Variants in DNMBP observed in about 807,000 individuals in gnomAD.
DNMBP encodes the protein dynamin-binding protein.
Under a neutral mutation model 150.0 loss-of-function variants are expected in DNMBP, and 87 were observed. The observed-to-expected ratio is 0.58, with a 90% CI of 0.49 to 0.69. DNMBP has a LOEUF of 0.69. Ranked by LOEUF, DNMBP falls within the 30% of genes least tolerant of loss-of-function variation. DNMBP has a pLI of 0.00. For synonymous variants in DNMBP, 711 were observed against 750.4 expected (o/e 0.95, Z 0.86); for missense variants, 1,774 against 1,949.0 (o/e 0.91, Z 1.69).
At chr10:99,948,319 A>G (rs1351864275) in intron 4 of DNMBP, among the ~76,000 whole-genome samples, 3 of 152,212 alleles carry the variant, frequency 2.0e-5, no homozygotes, top group Non-Finnish European at 4.4e-5. Flanking sequence ...AGAATGTGTA[A>G]GTAAAAGTTT....
At chr10:99,884,250 T>C (rs773720873) in intron 14 of DNMBP, 41 bp from the exon 15 acceptor site, 5 of 1,337,450 alleles carry the variant, frequency 3.7e-6, no homozygotes, top group South Asian at 1.2e-5. Context: ...CAGTGGCCAC[T>C]ACCCCAGCAG....
intron 1 of DNMBP, among the ~76,000 whole-genome samples, chr10:99,974,553 T>G (rs968914864): frequency 6.6e-6 from 1 of 152,140 alleles, no homozygotes; most frequent in Non-Finnish European, 1.5e-5. Context: ...TTGCCCAGGC[T>G]GGAGTGCAAA....
intron 1 of DNMBP, among the ~76,000 whole-genome samples, chr10:99,980,851 C>A (rs2133365344): frequency 6.6e-6 from 1 of 151,980 alleles, no homozygotes; most frequent in East Asian, 1.9e-4. Flanking sequence ...CACAAAAGGA[C>A]AAATACTGCA....
chr10:99,967,039 C>T (rs1354259339), intron 3 of DNMBP, among the ~76,000 whole-genome samples: 1 of 150,570 alleles, frequency 6.6e-6, no homozygotes, highest in African/African-American at 2.4e-5. Flanking sequence ...TCAAGGGATA[C>T]TCTTGCCTTT....
intron 16 of DNMBP, among the ~76,000 whole-genome samples, chr10:99,878,790 C>G (rs1274897937): frequency 6.6e-6 from 1 of 152,154 alleles, no homozygotes; most frequent in East Asian, 1.9e-4. Context: ...AGCAAAGACT[C>G]TGCAGCTGTG....
In DNMBP at chr10:99,918,821, C is replaced by A. The variant is rs149219995; in HGVS notation, c.2261-9675G>T. ...AGTGAGTTTAATACTAGGAGTAACT[C>A]AAACACCATTTCTGAACACTCACCA... On this transcript the variant is annotated intron_variant, in intron 4 of 16. Transcript: ENST00000324109. Among the ~76,000 whole-genome samples, 667 of 152,278 alleles carry A rather than the reference C, an allele frequency of 4.4e-3. 5 individuals are homozygous for A. Among genetic ancestry groups the A allele is most frequent in the African/African-American group, 0.015 (638 of 41,544 alleles).
intron 4 of DNMBP, among the ~76,000 whole-genome samples, chr10:99,915,198 CATATACAT>C (rs1564730581): frequency 7.2e-6 from 1 of 139,744 alleles, no homozygotes; most frequent in East Asian, 2.0e-4. Context: ...CATATACACA[CATATACAT>C]ATATACATAC....
chr10:100,003,107 T>C (rs957912205), intron 1 of DNMBP, among the ~76,000 whole-genome samples: 1 of 152,148 alleles, frequency 6.6e-6, no homozygotes. Flanking sequence ...CCCAGCACTT[T>C]GGGAGGCCAA....
chr10:99,926,065 C>T (rs1032506177), intron 4 of DNMBP, among the ~76,000 whole-genome samples: 3 of 152,236 alleles, frequency 2.0e-5, no homozygotes, highest in Admixed American at 6.5e-5. Flanking sequence ...TCTGTAAGAG[C>T]TCTTCATTTA....
intron 12 of DNMBP, among the ~76,000 whole-genome samples, chr10:99,887,015 GAGTT>G (rs1162697604): frequency 2.6e-5 from 4 of 152,086 alleles, no homozygotes; most frequent in African/African-American, 9.7e-5. Flanking sequence ...TTTAACTCCA[GAGTT>G]AGTTGTTACA....
intron 4 of DNMBP, among the ~76,000 whole-genome samples, chr10:99,934,081 C>A (rs1296289631): frequency 6.6e-6 from 1 of 152,120 alleles, no homozygotes; most frequent in African/African-American, 2.4e-5. Context: ...GATAGGGAAT[C>A]ATAAGTTAAA....
chr10:99,974,269 G>A (rs369065963), intron 1 of DNMBP, among the ~76,000 whole-genome samples: 1 of 152,192 alleles, frequency 6.6e-6, no homozygotes, highest in Non-Finnish European at 1.5e-5. Flanking sequence ...GCCCAACCCC[G>A]GGGAGTATCC....
Position 99,906,835 on chromosome 10 carries a change from G to C in DNMBP, c.2554+1160C>G, listed in dbSNP as rs977633685. Among the ~76,000 whole-genome samples, 6 of 152,194 alleles carry C rather than the reference G, an allele frequency of 3.9e-5. No individual in the cohort carries two copies. The East Asian group carries it at 1.2e-3, about 29-fold the overall frequency. On this transcript the variant is annotated intron_variant, in intron 6 of 16. Transcript: ENST00000324109. ...TCCAGACTCCTGACCTACAGAAGCA[G>C]CGAGGTAATACATGTTTAATGTTTT...
rs747635325 is a variant in DNMBP, at chr10:99,957,141, G to A, written c.333C>T (p.Gly111=). Residue 111 remains glycine (G), a synonymous_variant, in exon 4 of 17, where the codon GGC becomes GGT. Transcript: ENST00000324109. ...ATGAAGATGGGAAGAAGCCCCGTGC[G>A]CCCCAGCAGCTTCGGCCCTGCAGCC... ...AGWLQGRSCW[G]ARGFFPSSCV... 1.6e-5 allele frequency: 25 copies of A among 1,612,002 alleles called. No individual in the cohort carries two copies. Among genetic ancestry groups the A allele is most frequent in the Non-Finnish European group, 1.9e-5 (22 of 1,180,002 alleles).
chr10:99,924,920 C>G (rs2040061480), intron 4 of DNMBP, among the ~76,000 whole-genome samples: 1 of 152,178 alleles, frequency 6.6e-6, no homozygotes, highest in Non-Finnish European at 1.5e-5. Context: ...ATTACTGTCC[C>G]AACTTTTAAG....
chr10:99,974,362 T>C (rs1412243876), intron 1 of DNMBP, among the ~76,000 whole-genome samples: 2 of 152,138 alleles, frequency 1.3e-5, no homozygotes, highest in African/African-American at 2.4e-5. Context: ...TACGTATGTA[T>C]TGAAGCAGCA....
chr10:99,877,239 G>A lies in DNMBP; in HGVS notation c.4646C>T (p.Thr1549Ile). ...KLKILEFKDVTGNTEWWLAEV... is the reference protein window; with the variant it reads ...KLKILEFKDVIGNTEWWLAEV... ...AGCTAACCACCACTCTGTATTTCCTGTAACATCTTTAAACTCGAGGATCTT... is the reference window on the plus strand; with the variant it reads ...AGCTAACCACCACTCTGTATTTCCTATAACATCTTTAAACTCGAGGATCTT... Residue 1549 changes from threonine (T) to isoleucine (I), a missense_variant, in exon 17 of 17, where the codon ACA (threonine) becomes ATA (isoleucine). Around this residue, in one of 2 missense-constraint regions of DNMBP, gnomAD observed 1,430 missense variants for 1,492.5 expected, o/e 0.96. Coordinates refer to ENST00000324109, the MANE Select transcript of DNMBP (RefSeq NM_015221.4). The A allele has an allele frequency of 1.2e-6, 2 of 1,614,038 alleles. No individual in the cohort carries two copies. The highest frequency in any genetic ancestry group is 8.5e-7 in the Non-Finnish European group (1 of 1,179,992).
intron 1 of DNMBP, among the ~76,000 whole-genome samples, chr10:99,990,556 A>T (rs1399654769): frequency 2.0e-5 from 3 of 151,760 alleles, no homozygotes; most frequent in East Asian, 1.9e-4. Context: ...GTCTCAAAAA[A>T]AAAAATAAAA....
intron 4 of DNMBP, among the ~76,000 whole-genome samples, chr10:99,938,174 A>G (rs1303526869): frequency 2.0e-5 from 3 of 152,254 alleles, no homozygotes; most frequent in Non-Finnish European, 4.4e-5. Flanking sequence ...TAGCAAGATA[A>G]GAAAAATACA....
Sources: gnomAD v4.1 joint callset for allele counts (sites outside exome capture counted in the v4.1 genomes callset) on GRCh38, gnomAD v4.1.1 for gene constraint, gnomAD v4.1.1 regional missense constraint, MANE v1.5 for transcripts, NCBI Gene and HGNC (gene_info 2026-07-23, HGNC 2026-07-21) for gene names.